LRATD2: variants seen among roughly 807,000 people sequenced by gnomAD.
LRATD2 encodes LRAT domain containing 2.
Under a neutral mutation model 12.0 loss-of-function variants are expected in LRATD2, and 10 were observed. The observed-to-expected ratio is 0.83, with a 90% CI of 0.51 to 1.41. The LOEUF is 1.41. LRATD2 is among the 40% of genes most tolerant of loss of function. LRATD2 has a pLI of 0.00. For missense variants in LRATD2, 455 were observed against 446.1 expected, an observed-to-expected ratio of 1.02 and a Z score of -0.18; for synonymous variants, 220 against 205.8, an observed-to-expected ratio of 1.07 and a Z score of -0.59.
chr8:126,556,503 G>C lies in LRATD2; in HGVS notation c.887C>G (p.Pro296Arg). ...GTCCTCCTCCTCGGAGCTGGGCGCAGGGGGGCGCCCGGGAGGCGGCGTAGT... is the reference window on the plus strand; with the variant it reads ...GTCCTCCTCCTCGGAGCTGGGCGCACGGGGGCGCCCGGGAGGCGGCGTAGT... Reference protein sequence around the residue: ...ARTTPPPGRPPAPSSEEEDGE... With the variant: ...ARTTPPPGRPRAPSSEEEDGE... Residue 296 changes from proline (P) to arginine (R), a missense_variant, in exon 2 of 2, where the codon CCT becomes CGT. By Grantham distance (103) the Pro-to-Arg change is moderately radical. Transcript: ENST00000304916. This position sits in a 1 kb window ranked among gnomAD's most constrained non-coding sequence, Gnocchi z 5.6. 1.9e-6 allele frequency: 3 copies of C among 1,592,242 alleles called. No homozygotes were observed. The highest frequency in any genetic ancestry group is 2.6e-6 in the Non-Finnish European group (3 of 1,171,012).
Position 126,553,274 on chromosome 8 carries a change from C to A in LRATD2, c.*3183G>T, listed in dbSNP as rs986749825. The A allele has an allele frequency of 5.9e-5, 9 of 152,580 alleles. No homozygotes were observed. The highest frequency in any genetic ancestry group is 1.4e-4 in the African/African-American group (6 of 41,424). The allele number at this position is 152,580 out of a possible 1,614,324, so 9.5% of individuals were successfully genotyped here. A position where few individuals can be genotyped will look rare whatever the true frequency, so the allele number is the denominator to read the frequency against. ...ACAAAAAGTATGAGTTCTTTCAATA[C>A]AAAAAGTTGTGTAGCTGAAGTTGTG... On this transcript the variant is annotated 3_prime_UTR_variant, in exon 2 of 2. Transcript: ENST00000304916.
rs773367833 is a variant in LRATD2 at position 126,556,684 on chromosome 8, C to T, written c.706G>A (p.Ala236Thr). 1.2e-6 allele frequency: 2 copies of T among 1,610,224 alleles called. No individual in the cohort carries two copies. Among genetic ancestry groups the T allele is most frequent in the Non-Finnish European group, 1.7e-6 (2 of 1,178,942 alleles). The change falls in exon 2 of 2, where the codon GCG (alanine) becomes ACG (threonine). Residue 236 changes from alanine (A) to threonine (T), a missense_variant. Coordinates refer to ENST00000304916, the MANE Select transcript of LRATD2 (RefSeq NM_174911.5). This position sits in a 1 kb window ranked among gnomAD's most constrained non-coding sequence, Gnocchi z 5.6. The stretch of plus-strand genomic sequence containing the variant: ...AACTCGAGCGTGTGGCTGCGCTGCG[C>T]CGACAGCTGAATCTGCAGCCGGTAG... ...QPYRLQIQLS[A>T]QRSHTLEFQS...
rs748583638 is a variant in LRATD2 at position 126,555,877 on chromosome 8, T to G, written c.*580A>C. The G allele has an allele frequency of 2.0e-5, 3 of 152,924 alleles. No individual in the cohort carries two copies. The Admixed American group carries it at 2.0e-4, about 10-fold the overall frequency. 9.5% of individuals were successfully genotyped at this position (152,924 alleles called of 1,614,324 possible). Reference sequence around the variant, plus strand: ...ATAGGAGGCTGCTGTGGTTTTGGTCTGCTGCTCCCGGACCTTGTCATGGAT... The same window carrying G: ...ATAGGAGGCTGCTGTGGTTTTGGTCGGCTGCTCCCGGACCTTGTCATGGAT... On this transcript the variant is annotated 3_prime_UTR_variant, in exon 2 of 2. Coordinates refer to ENST00000304916, the MANE Select transcript of LRATD2 (RefSeq NM_174911.5).
Position 126,556,397 on chromosome 8 carries a change from G to C in LRATD2, c.*60C>G. 3 of 1,470,366 alleles carry C rather than the reference G, an allele frequency of 2.0e-6. No individual in the cohort carries two copies. Among genetic ancestry groups the C allele is most frequent in the East Asian group, 2.6e-5 (1 of 38,914 alleles). 91.1% of individuals were successfully genotyped at this position (1,470,366 alleles called of 1,614,324 possible). The stretch of plus-strand genomic sequence containing the variant: ...AAAGAGGGAGGAAGAGAGGGAGAAA[G>C]GGAGCAGCGGCTGCTACTGCAAACA... On this transcript the variant is annotated 3_prime_UTR_variant, in exon 2 of 2. Transcript: ENST00000304916. The surrounding 1 kb of genome is among the most constrained non-coding windows in gnomAD (Gnocchi z 5.6).
rs1273244645 is a variant in LRATD2 at position 126,554,664 on chromosome 8, T to C, written c.*1793A>G. On this transcript the variant is annotated 3_prime_UTR_variant, in exon 2 of 2. Transcript: ENST00000304916. The stretch of plus-strand genomic sequence containing the variant: ...AAAGACTATGGCCTCAACGTCCATG[T>C]GTGAAACAAGTGTATTAGAAAATTC... 1 of 152,258 alleles carries C rather than the reference T, an allele frequency of 6.6e-6. No homozygotes were observed. The highest frequency in any genetic ancestry group is 2.4e-5 in the African/African-American group (1 of 41,478). 9.4% of individuals were successfully genotyped at this position (152,258 alleles called of 1,614,324 possible).
chr8:126,556,693 G>A lies in LRATD2; in HGVS notation c.697C>T (p.Gln233Ter). 1 of 1,609,988 alleles carries A rather than the reference G, an allele frequency of 6.2e-7. No individual in the cohort carries two copies. The highest frequency in any genetic ancestry group is 8.5e-7 in the Non-Finnish European group (1 of 1,178,752). The change falls in exon 2 of 2, where the codon CAG (glutamine) becomes TAG (stop). Residue 233 changes from glutamine (Q) to a stop codon, truncating the protein, a stop_gained. Coordinates refer to ENST00000304916, the MANE Select transcript of LRATD2 (RefSeq NM_174911.5). LOFTEE classifies it low-confidence loss of function (END_TRUNC). The surrounding 1 kb of genome is among the most constrained non-coding windows in gnomAD (Gnocchi z 5.6). The part of the protein sequence containing the change: ...IGKQPYRLQI[Q>*]LSAQRSHTLE... ...GTGTGGCTGCGCTGCGCCGACAGCT[G>A]AATCTGCAGCCGGTAGGGCTGCTTG... is the stretch of plus-strand genomic sequence containing the variant.
At position 126,557,715 on chromosome 8, in the gene LRATD2, A is replaced by T. The variant is rs934676458; in HGVS notation, c.-96-230T>A. 2.3e-5 allele frequency: 8 copies of T among 355,014 alleles called. No individual in the cohort carries two copies. Among genetic ancestry groups the T allele is most frequent in the Non-Finnish European group, 4.1e-5 (8 of 196,358 alleles). The allele number at this position is 355,014 out of a possible 1,614,324, so 22.0% of individuals were successfully genotyped here. On this transcript the variant is annotated intron_variant, in intron 1 of 1. Coordinates refer to ENST00000304916, the MANE Select transcript of LRATD2 (RefSeq NM_174911.5). This position sits in a 1 kb window ranked among gnomAD's most constrained non-coding sequence, Gnocchi z 5.3. ...CTTCGCCTGGCCCTGGCAAAAGCCC[A>T]TTGCATCAGCAGCTTCTACTGCTTC...
In LRATD2 at chr8:126,557,132, G is replaced by A. The variant is rs757980337; in HGVS notation, c.258C>T (p.Phe86=). The change falls in exon 2 of 2, where the codon TTC becomes TTT. Residue 86 remains phenylalanine (F), a synonymous_variant. Transcript: ENST00000304916. This position sits in a 1 kb window ranked among gnomAD's most constrained non-coding sequence, Gnocchi z 5.3. ...PRLHEVECSV[F]YRDECIYQKS... is the part of the protein sequence containing the mutation. Reference sequence around the variant, plus strand: ...TCTGGTAGATGCATTCGTCCCGGTAGAACACGGAGCATTCCACCTCGTGCA... The same window carrying A: ...TCTGGTAGATGCATTCGTCCCGGTAAAACACGGAGCATTCCACCTCGTGCA... The A allele has an allele frequency of 8.1e-6, 13 of 1,612,656 alleles. No individual in the cohort carries two copies. The East Asian group carries it at 2.2e-4, about 28-fold the overall frequency.
Position 126,553,331 on chromosome 8 carries a change from A to G in LRATD2, c.*3126T>C, listed in dbSNP as rs1817317840. On this transcript the variant is annotated 3_prime_UTR_variant, in exon 2 of 2. Coordinates refer to ENST00000304916, the MANE Select transcript of LRATD2 (RefSeq NM_174911.5). ...TTTGACATACATAAGCAGTTTCAAT[A>G]AAATATTTGCTCAGGTAAGAAAATA... 6.5e-6 allele frequency: 1 copy of G among 152,688 alleles called. No individual in the cohort carries two copies. Among genetic ancestry groups the G allele is most frequent in the Non-Finnish European group, 1.5e-5 (1 of 68,034 alleles). 9.5% of individuals were successfully genotyped at this position (152,688 alleles called of 1,614,324 possible).
chr8:126,556,790 G>C lies in LRATD2; in HGVS notation c.600C>G (p.Asn200Lys). 1 of 1,598,446 alleles carries C rather than the reference G, an allele frequency of 6.3e-7. No individual in the cohort carries two copies. The highest frequency in any genetic ancestry group is 8.5e-7 in the Non-Finnish European group (1 of 1,174,994). ...GGCACCAGGCGGCGAAACTCTCCGAGTTGCGCCAGCTCAGCTCGCGCTCCT... is the reference window on the plus strand; with the variant it reads ...GGCACCAGGCGGCGAAACTCTCCGACTTGCGCCAGCTCAGCTCGCGCTCCT... ...GAKERELSWR[N>K]SESFAAWCRY... Residue 200 changes from asparagine (N) to lysine (K), a missense_variant, in exon 2 of 2, where the codon AAC (asparagine) becomes AAG (lysine). Coordinates refer to ENST00000304916, the MANE Select transcript of LRATD2 (RefSeq NM_174911.5). This position sits in a 1 kb window ranked among gnomAD's most constrained non-coding sequence, Gnocchi z 5.6.
chr8:126,557,046 T>G lies in LRATD2; in HGVS notation c.344A>C (p.Lys115Thr), dbSNP rs752230641. Reference sequence around the variant, plus strand: ...CTCCACCAGATCGCCCGGCTTGCACTTGTTGAGCAGGTTCTCGGGCGTGTA... The same window carrying G: ...CTCCACCAGATCGCCCGGCTTGCACGTGTTGAGCAGGTTCTCGGGCGTGTA... ...STYTPENLLN[K>T]CKPGDLVEFV... Residue 115 changes from lysine to threonine, a missense_variant, in exon 2 of 2, where the codon AAG becomes ACG. Transcript: ENST00000304916. This position sits in a 1 kb window ranked among gnomAD's most constrained non-coding sequence, Gnocchi z 5.3. 4 of 1,607,652 alleles carry G rather than the reference T, an allele frequency of 2.5e-6. No homozygotes were observed. The East Asian group carries it at 8.9e-5, about 36-fold the overall frequency.
In LRATD2 at chr8:126,557,229, G is replaced by A; in HGVS notation, c.161C>T (p.Pro54Leu). ...ACCGTCGGGCAAGCCGCCGCCATCT[G>A]GCCCCTGAGGCGGCGGCTGCGGCTC... is the stretch of plus-strand genomic sequence containing the variant. Reference protein sequence around the residue: ...DVEPQPPPQGPDGGGLPDGGD... With the variant: ...DVEPQPPPQGLDGGGLPDGGD... Residue 54 changes from proline to leucine, a missense_variant, in exon 2 of 2, where the codon CCA (proline) becomes CTA (leucine). Pro to Leu is a moderately conservative substitution (Grantham distance 98). Transcript: ENST00000304916. This position sits in a 1 kb window ranked among gnomAD's most constrained non-coding sequence, Gnocchi z 5.3. 6.2e-7 allele frequency: 1 copy of A among 1,602,642 alleles called. No homozygotes were observed. The highest frequency in any genetic ancestry group is 8.5e-7 in the Non-Finnish European group (1 of 1,174,920).
In LRATD2 at chr8:126,558,329, G is replaced by A. The variant is rs1421301905; in HGVS notation, c.-392C>T. On this transcript the variant is annotated 5_prime_UTR_variant, in exon 1 of 2. Coordinates refer to ENST00000304916, the MANE Select transcript of LRATD2 (RefSeq NM_174911.5). ...GCTCTCGGGGGAGGTGGGGCGCGAG[G>A]AGGAGAGGACGGCAGCCTCGCAGCC... 6.6e-6 allele frequency: 1 copy of A among 152,380 alleles called. No homozygotes were observed. Among genetic ancestry groups the A allele is most frequent in the African/African-American group, 2.4e-5 (1 of 41,454 alleles). The allele number at this position is 152,380 out of a possible 1,614,324, so 9.4% of individuals were successfully genotyped here.
At position 126,552,547 on chromosome 8, in the gene LRATD2, G is replaced by T. The variant is rs1014591900; in HGVS notation, c.*3910C>A. 6.6e-6 allele frequency: 1 copy of T among 152,630 alleles called. No individual in the cohort carries two copies. 9.5% of individuals were successfully genotyped at this position (152,630 alleles called of 1,614,324 possible). ...ATAGTGAAGAGGAAATGGCTTAAAA[G>T]ATATCATCAATCTTTTATTTAACTA... On this transcript the variant is annotated 3_prime_UTR_variant, in exon 2 of 2. Transcript: ENST00000304916.
rs1308532805 is a variant in LRATD2 at position 126,558,059 on chromosome 8, C to A, written c.-122G>T. 6.6e-6 allele frequency: 1 copy of A among 152,270 alleles called. No homozygotes were observed. The highest frequency in any genetic ancestry group is 1.5e-5 in the Non-Finnish European group (1 of 68,146). 9.4% of individuals were successfully genotyped at this position (152,270 alleles called of 1,614,324 possible). A position where few individuals can be genotyped will look rare whatever the true frequency, so the allele number is the denominator to read the frequency against. ...CCGCGGAGAGGTGAAGGCCGTGGGG[C>A]CTGGGGAAGGGCTCCCTGCCGCGCC... On this transcript the variant is annotated 5_prime_UTR_variant, in exon 1 of 2. Coordinates refer to ENST00000304916, the MANE Select transcript of LRATD2 (RefSeq NM_174911.5).
At position 126,556,812 on chromosome 8, in the gene LRATD2, T is replaced by G. The variant is rs899851645; in HGVS notation, c.578A>C (p.Glu193Ala). The G allele has an allele frequency of 3.1e-6, 5 of 1,601,010 alleles. No individual in the cohort carries two copies. The highest frequency in any genetic ancestry group is 4.2e-6 in the Non-Finnish European group (5 of 1,176,974). Residue 193 changes from glutamate (E) to alanine (A), a missense_variant, in exon 2 of 2, where the codon GAG (glutamate) becomes GCG (alanine). Physicochemically the swap from Glu to Ala is moderately radical, Grantham distance 107 (BLOSUM62 -1). Transcript: ENST00000304916. The surrounding 1 kb of genome is among the most constrained non-coding windows in gnomAD (Gnocchi z 5.6). Reference sequence around the variant, plus strand: ...CGAGTTGCGCCAGCTCAGCTCGCGCTCCTTGGCACCCACGTGCGCCAGCGC... The same window carrying G: ...CGAGTTGCGCCAGCTCAGCTCGCGCGCCTTGGCACCCACGTGCGCCAGCGC... Reference protein sequence around the residue: ...RNALAHVGAKERELSWRNSES... With the variant: ...RNALAHVGAKARELSWRNSES...
Position 126,556,626 on chromosome 8 carries a change from C to T in LRATD2, c.764G>A (p.Arg255Gln). 6.2e-7 allele frequency: 1 copy of T among 1,611,340 alleles called. No homozygotes were observed. The highest frequency in any genetic ancestry group is 8.5e-7 in the Non-Finnish European group (1 of 1,178,972). The change falls in exon 2 of 2, where the codon CGA (arginine) becomes CAA (glutamine). Residue 255 changes from arginine to glutamine, a missense_variant. By Grantham distance (43) the Arg-to-Gln change is conservative. Transcript: ENST00000304916. This position sits in a 1 kb window ranked among gnomAD's most constrained non-coding sequence, Gnocchi z 5.6. ...CGCGCGCCCGATCTGGTCGTTGCGT[C>T]GCTTCTCCATGATCAGGTCCTCTAG... is the stretch of plus-strand genomic sequence containing the variant. ...QSLEDLIMEK[R>Q]RNDQIGRAAV...
In LRATD2 at chr8:126,552,968, T is replaced by C. The variant is rs1396427314; in HGVS notation, c.*3489A>G. ...AGAGTCTTCAACACAGTGGATTCCATTTTATTAAGAAAAAAAATAGAAAAC... is the reference window on the plus strand; with the variant it reads ...AGAGTCTTCAACACAGTGGATTCCACTTTATTAAGAAAAAAAATAGAAAAC... On this transcript the variant is annotated 3_prime_UTR_variant, in exon 2 of 2. Coordinates refer to ENST00000304916, the MANE Select transcript of LRATD2 (RefSeq NM_174911.5). 1 of 152,660 alleles carries C rather than the reference T, an allele frequency of 6.6e-6. No homozygotes were observed. The highest frequency in any genetic ancestry group is 2.4e-5 in the African/African-American group (1 of 41,464). 9.5% of individuals were successfully genotyped at this position (152,660 alleles called of 1,614,324 possible). A position where few individuals can be genotyped will look rare whatever the true frequency, so the allele number is the denominator to read the frequency against.
Position 126,557,138 on chromosome 8 carries a change from G to A in LRATD2, c.252C>T (p.Ser84=), listed in dbSNP as rs751443686. 9.3e-6 allele frequency: 15 copies of A among 1,612,578 alleles called. 1 individual carries two copies. Among genetic ancestry groups the A allele is most frequent in the Non-Finnish European group, 1.3e-5 (15 of 1,179,894 alleles). ...AGATGCATTCGTCCCGGTAGAACAC[G>A]GAGCATTCCACCTCGTGCAGCCGCG... The part of the protein sequence containing the change: ...YDPRLHEVEC[S]VFYRDECIYQ... Residue 84 remains serine (S), a synonymous_variant, in exon 2 of 2, where the codon TCC becomes TCT. Coordinates refer to ENST00000304916, the MANE Select transcript of LRATD2 (RefSeq NM_174911.5). The surrounding 1 kb of genome is among the most constrained non-coding windows in gnomAD (Gnocchi z 5.3).
Sources: gnomAD v4.1 joint callset for allele counts on GRCh38, gnomAD v4.1.1 for gene constraint, Gnocchi (gnomAD v3.1) non-coding constraint, MANE v1.5 for transcripts, NCBI Gene and HGNC (gene_info 2026-07-23, HGNC 2026-07-21) for gene names.